IL27RA: variants seen among roughly 807,000 people sequenced by gnomAD.
IL27RA encodes the protein interleukin-27 receptor subunit alpha.
Under a neutral mutation model 80.8 loss-of-function variants are expected in IL27RA, and 61 were observed. The observed-to-expected ratio is 0.76, with a 90% CI of 0.61 to 0.93. The LOEUF is 0.93. IL27RA is among the 40% of genes least tolerant of loss of function. The pLI, the probability that IL27RA is intolerant of heterozygous loss-of-function variation, is 0.00. For missense variants in IL27RA, 735 were observed against 808.1 expected (o/e 0.91, Z 1.10); for synonymous variants, 316 against 332.5 (o/e 0.95, Z 0.54).
intron 8 of IL27RA, among the ~76,000 whole-genome samples, chr19:14,046,887 C>T (rs1324665421): frequency 6.6e-6 from 1 of 151,810 alleles, no homozygotes; most frequent in African/African-American, 2.4e-5. Flanking sequence ...GTCCCAGCTA[C>T]TCGGGAGGCT....
rs557382800 is a variant in IL27RA at position 14,042,901 on chromosome 19, G to T, written c.768+112G>T. ...CGCTTGTAATCCCAACACTGCTGTGGGAGGCCGAGGAGGGTGGATCACTTG... is the reference window on the plus strand; with the variant it reads ...CGCTTGTAATCCCAACACTGCTGTGTGAGGCCGAGGAGGGTGGATCACTTG... On this transcript the variant is annotated intron_variant, in intron 6 of 13. Coordinates refer to ENST00000263379, the MANE Select transcript of IL27RA (RefSeq NM_004843.4). The T allele has an allele frequency of 7.5e-6, 7 of 938,956 alleles. No individual in the cohort carries two copies. In the Admixed American group the frequency reaches 1.4e-4, roughly 18 times the overall value. 58.2% of individuals were successfully genotyped at this position (938,956 alleles called of 1,614,324 possible).
Position 14,050,886 on chromosome 19 carries a change from AG to A in IL27RA, c.1528+9del, listed in dbSNP as rs756438847. On this transcript the variant is annotated splice_donor_region_variant and intron_variant, in intron 11 of 13. Coordinates refer to ENST00000263379, the MANE Select transcript of IL27RA (RefSeq NM_004843.4). Reference sequence around the variant, plus strand: ...CATCCTCCGGCTTCATCTACCAGGTAGGGGGGTTGGGATGGGATTGCCACAG... The same window carrying A: ...CATCCTCCGGCTTCATCTACCAGGTAGGGGGTTGGGATGGGATTGCCACAG... 7 of 1,604,032 alleles carry A rather than the reference AG, an allele frequency of 4.4e-6. No homozygotes were observed. In the East Asian group the frequency reaches 1.3e-4, roughly 31 times the overall value.
In IL27RA at chr19:14,042,532, A is replaced by G. The variant is rs757701242; in HGVS notation, c.614A>G (p.Tyr205Cys). The change falls in exon 5 of 14, where the codon TAT (tyrosine) becomes TGT (cysteine). Residue 205 changes from tyrosine (Y) to cysteine (C), a missense_variant. Transcript: ENST00000263379. Reference sequence around the variant, plus strand: ...GAGCTAGCCACTGGCTACAAAGTGTATGGCCGCTGCCGGATGGAGAAAGAA... The same window carrying G: ...GAGCTAGCCACTGGCTACAAAGTGTGTGGCCGCTGCCGGATGGAGAAAGAA... ...DLELATGYKVYGRCRMEKEED... is the reference protein window; with the variant it reads ...DLELATGYKVCGRCRMEKEED... 1.9e-6 allele frequency: 3 copies of G among 1,614,058 alleles called. No individual in the cohort carries two copies. Among genetic ancestry groups the G allele is most frequent in the Non-Finnish European group, 8.5e-7 (1 of 1,180,042 alleles).
chr19:14,037,955 C>T lies in IL27RA; in HGVS notation c.219-1553C>T, dbSNP rs948949926. On this transcript the variant is annotated intron_variant, in intron 2 of 13. Coordinates refer to ENST00000263379, the MANE Select transcript of IL27RA (RefSeq NM_004843.4). ...AAGCGATTCTCCTGCCTCAGCCTTC[C>T]GAGTAGCTGGGATTACAGGCACGTG... 5.3e-5 allele frequency among the ~76,000 whole-genome samples: 8 copies of T among 151,478 alleles called. No individual in the cohort carries two copies. In the South Asian group the frequency reaches 6.3e-4, roughly 12 times the overall value.
chr19:14,042,360 T>A, intron 4 of IL27RA, 93 bp from the exon 5 acceptor site: 1 of 1,393,302 alleles, frequency 7.2e-7, no homozygotes, highest in African/African-American at 1.5e-5. Flanking sequence ...CGAGACTGTC[T>A]CAAAACGAAA....
At chr19:14,032,568 T>A (rs1975835435) in intron 2 of IL27RA, 65 bp downstream of exon 2, 1 of 1,034,856 alleles carries the variant, frequency 9.7e-7, no homozygotes, top group Non-Finnish European at 1.5e-6. Context: ...CCCAGGCTGC[T>A]TTGGTTGAAA....
chr19:14,042,566 G>A lies in IL27RA; in HGVS notation c.648G>A (p.Leu216=), dbSNP rs747735340. 6.2e-6 allele frequency: 10 copies of A among 1,614,162 alleles called. No individual in the cohort carries two copies. The South Asian group carries it at 1.1e-4, about 18-fold the overall frequency. Residue 216 remains leucine, a synonymous_variant, in exon 5 of 14, where the codon TTG becomes TTA. Transcript: ENST00000263379. ...GRCRMEKEED[L]WGEWSPILSF... is the part of the protein sequence containing the mutation. ...GCCGGATGGAGAAAGAAGAGGATTT[G>A]TGGGGCGAGTGGAGCCCCATTTTGT...
chr19:14,050,290 T>C (rs573799912), intron 10 of IL27RA, among the ~76,000 whole-genome samples: 4 of 151,924 alleles, frequency 2.6e-5, no homozygotes, highest in African/African-American at 7.2e-5. Flanking sequence ...TCACCTGAGG[T>C]CAGGAGTTTG....
intron 2 of IL27RA, among the ~76,000 whole-genome samples, chr19:14,033,767 C>A (rs563033054): frequency 1.2e-4 from 19 of 152,188 alleles, no homozygotes; most frequent in Non-Finnish European, 2.2e-4. Context: ...GAGTTCGAGA[C>A]CAGCCTGACC....
chr19:14,047,810 C>T (rs888776997), intron 8 of IL27RA, among the ~76,000 whole-genome samples: 13 of 146,752 alleles, frequency 8.9e-5, no homozygotes, highest in East Asian at 2.0e-4. Flanking sequence ...CCCGCCACCA[C>T]GCCCGGCTAA....
rs1278335688 is a variant in IL27RA, at chr19:14,032,059, G to C, written c.100+87G>C. ...GTGCTCCAGGATAAGCCACGCGTAT[G>C]CAGAGCGAACGGTAGAGGTGCAGGC... is the stretch of plus-strand genomic sequence containing the variant. On this transcript the variant is annotated intron_variant, in intron 1 of 13. Transcript: ENST00000263379. 5 of 1,203,094 alleles carry C rather than the reference G, an allele frequency of 4.2e-6. No individual in the cohort carries two copies. In the African/African-American group the frequency reaches 6.1e-5, roughly 15 times the overall value. The allele number at this position is 1,203,094 out of a possible 1,614,324, so 74.5% of individuals were successfully genotyped here. A position where few individuals can be genotyped will look rare whatever the true frequency, so the allele number is the denominator to read the frequency against.
intron 11 of IL27RA, among the ~76,000 whole-genome samples, 190 bp from the exon 12 acceptor site, chr19:14,051,417 C>G (rs1043869008): frequency 4.0e-5 from 6 of 150,878 alleles, no homozygotes; most frequent in African/African-American, 1.5e-4. Context: ...TGGTGGCGTG[C>G]GGCTGTAATC....
chr19:14,051,599 C>T lies in IL27RA; in HGVS notation c.1529-8C>T. On this transcript the variant is annotated splice_polypyrimidine_tract_variant and splice_region_variant and intron_variant, in intron 11 of 13. Transcript: ENST00000263379. Reference sequence around the variant, plus strand: ...AAATTAAGAATGATCTCTTCCCTACCCTACCAGATAACACCCTGAGGTGGA... The same window carrying T: ...AAATTAAGAATGATCTCTTCCCTACTCTACCAGATAACACCCTGAGGTGGA... 6.6e-7 allele frequency: 1 copy of T among 1,522,204 alleles called. No homozygotes were observed. Among genetic ancestry groups the T allele is most frequent in the Non-Finnish European group, 9.0e-7 (1 of 1,110,836 alleles). The allele number at this position is 1,522,204 out of a possible 1,614,324, so 94.3% of individuals were successfully genotyped here.
intron 2 of IL27RA, among the ~76,000 whole-genome samples, chr19:14,036,343 C>T (rs1053063389): frequency 5.3e-5 from 8 of 151,960 alleles, no homozygotes; most frequent in Non-Finnish European, 8.8e-5. Context: ...TCTGTAGTCA[C>T]CAGTTTACTC....
At chr19:14,041,966 C>T (rs546435078) in intron 4 of IL27RA, among the ~76,000 whole-genome samples, 3 of 151,958 alleles carry the variant, frequency 2.0e-5, no homozygotes, top group Non-Finnish European at 4.4e-5. Flanking sequence ...TGTGGGAGGC[C>T]GAGGCGGGCG....
In IL27RA at chr19:14,032,488, T is replaced by G; in HGVS notation, c.203T>G (p.Leu68Arg). Residue 68 changes from leucine (L) to arginine (R), a missense_variant, in exon 2 of 14, where the codon CTC (leucine) becomes CGC (arginine). By Grantham distance (102) the Leu-to-Arg change is moderately radical. Coordinates refer to ENST00000263379, the MANE Select transcript of IL27RA (RefSeq NM_004843.4). The stretch of plus-strand genomic sequence containing the variant: ...CTGGGAGCCCCCTCCGAGTTACACC[T>G]CCAGAGCCAAAAGTAGTGAGTACAG... ...GDLGAPSELH[L>R]QSQKYRSNKT... 2 of 1,612,234 alleles carry G rather than the reference T, an allele frequency of 1.2e-6. No individual in the cohort carries two copies. Among genetic ancestry groups the G allele is most frequent in the Non-Finnish European group, 1.7e-6 (2 of 1,178,746 alleles).
chr19:14,035,979 G>C (rs1242727566), intron 2 of IL27RA, among the ~76,000 whole-genome samples: 3 of 150,660 alleles, frequency 2.0e-5, no homozygotes, highest in Non-Finnish European at 4.4e-5. Context: ...GGTAGCTCAC[G>C]TCTGTAATCC....
At chr19:14,040,902 A>T (rs112407178) in intron 4 of IL27RA, among the ~76,000 whole-genome samples, 7 of 139,336 alleles carry the variant, frequency 5.0e-5, no homozygotes, top group African/African-American at 1.9e-4. Context: ...GAGATGCAGA[A>T]TTTTTTTTTT....
intron 10 of IL27RA, among the ~76,000 whole-genome samples, chr19:14,049,890 T>TA: frequency 1.3e-5 from 2 of 151,246 alleles, no homozygotes; most frequent in South Asian, 4.3e-4. Flanking sequence ...TATATAATTT[T>TA]AAAAATATAT....
Sources: gnomAD v4.1 joint callset for allele counts (sites outside exome capture counted in the v4.1 genomes callset) on GRCh38, gnomAD v4.1.1 for gene constraint, MANE v1.5 for transcripts, NCBI Gene and HGNC (gene_info 2026-07-23, HGNC 2026-07-21) for gene names.